The following CIP2A variants were observed in gnomAD, a reference collection of about 807,000 sequenced individuals.
CIP2A encodes the protein protein CIP2A.
CIP2A carries 103 observed loss-of-function variants against 110.9 expected under a neutral mutation model. The ratio of observed to expected loss-of-function variants is 0.93; its 90% CI spans 0.79 to 1.09. The LOEUF (loss-of-function observed/expected upper bound fraction) is 1.09, where lower values mean the gene tolerates loss of function less well. CIP2A is among the 50% of genes least tolerant of loss of function. CIP2A has a pLI of 0.00. For missense variants in CIP2A, 1,088 were observed against 1,038.4 expected (o/e 1.05, Z -0.66); for synonymous variants, 381 against 361.6 (o/e 1.05, Z -0.61).
In CIP2A at chr3:108,568,234, C is replaced by T. The variant is rs1938253220; in HGVS notation, c.1194G>A (p.Gln398=). 1.2e-6 allele frequency: 2 copies of T among 1,612,278 alleles called. No individual in the cohort carries two copies. Among genetic ancestry groups the T allele is most frequent in the Admixed American group, 1.7e-5 (1 of 59,838 alleles). The part of the protein sequence containing the change: ...LLLPTILDQL[Q]FTEQNLDEAL... ...CCTCATCTAGATTTTGTTCTGTGAA[C>T]TGAAGTTGATCAAGGATTGTAGGCA... The change falls in exon 10 of 21, where the codon CAG becomes CAA. Residue 398 remains glutamine (Q), a synonymous_variant. Coordinates refer to ENST00000295746, the MANE Select transcript of CIP2A (RefSeq NM_020890.3).
intron 18 of CIP2A, among the ~76,000 whole-genome samples, chr3:108,554,045 G>A (rs1490306115): frequency 1.3e-5 from 2 of 151,560 alleles, no homozygotes; most frequent in Non-Finnish European, 2.9e-5. Flanking sequence ...ACAGGCACCC[G>A]CCACAACACC....
intron 1 of CIP2A, among the ~76,000 whole-genome samples, chr3:108,586,124 G>A (rs1327134877): frequency 6.6e-6 from 1 of 152,124 alleles, no homozygotes; most frequent in Admixed American, 6.5e-5. Flanking sequence ...AGCCTAAGCA[G>A]GCTGCTTTAG....
rs1938755559 is a variant in CIP2A at position 108,578,471 on chromosome 3, G to C, written c.818+810C>G. On this transcript the variant is annotated intron_variant, in intron 7 of 20. Transcript: ENST00000295746. Reference sequence around the variant, plus strand: ...TATCAGCTGAGCCATATGAACAATGGTCAAGTTTGCCCTAGTGCTTAGCTT... The same window carrying C: ...TATCAGCTGAGCCATATGAACAATGCTCAAGTTTGCCCTAGTGCTTAGCTT... Among the ~76,000 whole-genome samples, 4 of 150,958 alleles carry C rather than the reference G, an allele frequency of 2.6e-5. No homozygotes were observed. The South Asian group carries it at 8.4e-4, about 32-fold the overall frequency.
At chr3:108,556,984 T>C (rs1463643690) in intron 17 of CIP2A, among the ~76,000 whole-genome samples, 4 of 152,192 alleles carry the variant, frequency 2.6e-5, no homozygotes, top group African/African-American at 7.2e-5. Flanking sequence ...CTGACTGTTA[T>C]GAATACATAA....
At chr3:108,564,128 A>G (rs989004356) in intron 12 of CIP2A, among the ~76,000 whole-genome samples, 9 of 152,018 alleles carry the variant, frequency 5.9e-5, no homozygotes, top group African/African-American at 2.2e-4. Context: ...AGTATAATCC[A>G]GTGTCACAGA....
At position 108,565,427 on chromosome 3, in the gene CIP2A, T is replaced by C; in HGVS notation, c.1443A>G (p.Lys481=). Residue 481 remains lysine, a synonymous_variant, in exon 12 of 21, where the codon AAA becomes AAG. Transcript: ENST00000295746. ...TAAGTTTGTTAATCAAATCAAGAGTTTTCAAAATTACATCAGCAGCAAGTT... is the reference window on the plus strand; with the variant it reads ...TAAGTTTGTTAATCAAATCAAGAGTCTTCAAAATTACATCAGCAGCAAGTT... ...LCKLAADVIL[K]TLDLINKLKP... is the part of the protein sequence containing the mutation. The C allele has an allele frequency of 6.3e-7, 1 of 1,595,292 alleles. No individual in the cohort carries two copies. The highest frequency in any genetic ancestry group is 1.1e-5 in the South Asian group (1 of 87,132).
chr3:108,566,970 A>G (rs542206286), intron 10 of CIP2A, among the ~76,000 whole-genome samples: 5 of 152,008 alleles, frequency 3.3e-5, no homozygotes, highest in Admixed American at 2.0e-4. Flanking sequence ...TTTGTATATT[A>G]TAAATTAATG....
intron 8 of CIP2A, among the ~76,000 whole-genome samples, chr3:108,574,235 G>T (rs1200979390): frequency 6.6e-6 from 1 of 151,812 alleles, no homozygotes; most frequent in South Asian, 2.1e-4. Context: ...ACATACAAAT[G>T]GCCAATGAAT....
In CIP2A at chr3:108,585,847, G is replaced by T. The variant is rs527821743; in HGVS notation, c.103-635C>A. 49 of 448,126 alleles carry T rather than the reference G, an allele frequency of 1.1e-4. 1 individual carries two copies. The highest frequency in any genetic ancestry group is 7.6e-4 in the South Asian group (48 of 63,416). 27.8% of individuals were successfully genotyped at this position (448,126 alleles called of 1,614,324 possible). A position where few individuals can be genotyped will look rare whatever the true frequency, so the allele number is the denominator to read the frequency against. The stretch of plus-strand genomic sequence containing the variant: ...AAATTTTATTTCTGATTATTCCATT[G>T]TTTTTTTTACTTTCTTGTAATCTAT... On this transcript the variant is annotated intron_variant, in intron 1 of 20. Coordinates refer to ENST00000295746, the MANE Select transcript of CIP2A (RefSeq NM_020890.3).
At chr3:108,575,312 ACG>A (rs1938541796) in intron 8 of CIP2A, among the ~76,000 whole-genome samples, 1 of 146,864 alleles carries the variant, frequency 6.8e-6, no homozygotes, top group Non-Finnish European at 1.5e-5. Flanking sequence ...ACGTACACAC[ACG>A]TGCATGTACA....
intron 17 of CIP2A, among the ~76,000 whole-genome samples, chr3:108,556,208 T>C (rs1212053716): frequency 6.6e-6 from 1 of 152,174 alleles, no homozygotes; most frequent in Non-Finnish European, 1.5e-5. Context: ...CACCCTTCAT[T>C]ATTATTGATG....
chr3:108,583,552 G>A (rs918254446), intron 2 of CIP2A, among the ~76,000 whole-genome samples: 8 of 152,144 alleles, frequency 5.3e-5, no homozygotes, highest in African/African-American at 1.7e-4. Context: ...TGATCTCATG[G>A]AAGTGGAGAA....
chr3:108,584,660 G>A (rs1938988287), intron 2 of CIP2A, among the ~76,000 whole-genome samples: 1 of 152,116 alleles, frequency 6.6e-6, no homozygotes, highest in African/African-American at 2.4e-5. Flanking sequence ...AGTTTTATTG[G>A]ACAATGCTGC....
chr3:108,576,855 T>C (rs1938671430), intron 7 of CIP2A, among the ~76,000 whole-genome samples: 2 of 152,148 alleles, frequency 1.3e-5, no homozygotes, highest in African/African-American at 4.8e-5. Flanking sequence ...TCTATGTGAC[T>C]GATGTATCCT....
At chr3:108,562,798 G>C (rs774429740) in intron 13 of CIP2A, among the ~76,000 whole-genome samples, 3 of 152,058 alleles carry the variant, frequency 2.0e-5, no homozygotes, top group African/African-American at 4.8e-5. Context: ...AGTCAGGAAG[G>C]AAAAGCTCTT....
rs192732590 is a variant in CIP2A at position 108,554,124 on chromosome 3, G to T, written c.2324+252C>A. Among the ~76,000 whole-genome samples, 302 of 151,948 alleles carry T rather than the reference G, an allele frequency of 2.0e-3. 1 individual carries two copies. Among genetic ancestry groups the T allele is most frequent in the Admixed American group, 7.9e-3 (121 of 15,246 alleles). On this transcript the variant is annotated intron_variant, in intron 18 of 20. Transcript: ENST00000295746. ...TTGGCCACGCTGGTCTCAAACTCCT[G>T]ACCTCATGCGCTCCACCCACCTCAG...
At chr3:108,563,088 ACAC>A in intron 13 of CIP2A, 35 bp downstream of exon 13, 1 of 1,338,062 alleles carries the variant, frequency 7.5e-7, no homozygotes, top group Non-Finnish European at 1.1e-6. Flanking sequence ...GGGTATTCCA[ACAC>A]CACAAGAGAT....
chr3:108,575,486 GCA>G (rs758436552), intron 8 of CIP2A, among the ~76,000 whole-genome samples: 5 of 142,436 alleles, frequency 3.5e-5, no homozygotes, highest in Non-Finnish European at 6.1e-5. Flanking sequence ...ACACATATAT[GCA>G]CACATATGTA....
intron 7 of CIP2A, among the ~76,000 whole-genome samples, chr3:108,578,909 T>C (rs1293462139): frequency 6.6e-6 from 1 of 152,216 alleles, no homozygotes; most frequent in Non-Finnish European, 1.5e-5. Context: ...CATTTATTTA[T>C]AATTTATGTA....
Sources: allele counts gnomAD v4.1 joint callset (sites outside exome capture counted in the v4.1 genomes callset), GRCh38; gene constraint gnomAD v4.1.1; transcripts MANE v1.5; gene names NCBI Gene and HGNC (gene_info 2026-07-23, HGNC 2026-07-21).